TBC1D16: variants seen among roughly 807,000 people sequenced by gnomAD.
TBC1D16 encodes the protein TBC1 domain family member 16.
In TBC1D16, 58 loss-of-function variants were observed where a neutral mutation model predicts 74.7. The observed-to-expected ratio is 0.78, with a 90% CI of 0.63 to 0.97. The LOEUF is 0.97. TBC1D16 is among the 50% of genes least tolerant of loss of function. The pLI is 0.00. For missense variants in TBC1D16, 1,014 were observed against 1,079.5 expected, an observed-to-expected ratio of 0.94 and a Z score of 0.85; for synonymous variants, 493 against 474.7, an observed-to-expected ratio of 1.04 and a Z score of -0.50.
Position 80,001,807 on chromosome 17 carries a change from T to C in TBC1D16, c.779+8353A>G, listed in dbSNP as rs1183945016. 4.9e-5 allele frequency among the ~76,000 whole-genome samples: 7 copies of C among 144,106 alleles called. No homozygotes were observed. Among genetic ancestry groups the C allele is most frequent in the Non-Finnish European group, 7.5e-5 (5 of 66,454 alleles). 94.5% of individuals were successfully genotyped at this position (144,106 alleles called of 152,430 possible). On this transcript the variant is annotated intron_variant, in intron 3 of 11. Coordinates refer to ENST00000310924, the MANE Select transcript of TBC1D16 (RefSeq NM_019020.4). The surrounding 1 kb of genome is among the most constrained non-coding windows in gnomAD (Gnocchi z 5.8). Reference sequence around the variant, plus strand: ...ACTCACCCCTTGCCCCCTTCCCTGCTGTCTCTTGCCCTGGACCCTCTCACA... The same window carrying C: ...ACTCACCCCTTGCCCCCTTCCCTGCCGTCTCTTGCCCTGGACCCTCTCACA...
rs1048936247 is a variant in TBC1D16, at chr17:79,987,395, C to T, written c.779+22765G>A. On this transcript the variant is annotated intron_variant, in intron 3 of 11. Coordinates refer to ENST00000310924, the MANE Select transcript of TBC1D16 (RefSeq NM_019020.4). This position sits in a 1 kb window ranked among gnomAD's most constrained non-coding sequence, Gnocchi z 5.2. ...CCGAGTAGCTGGGACCACAGGTGCACGCCATCACGCCCAGCTAAATTTTTT... is the reference window on the plus strand; with the variant it reads ...CCGAGTAGCTGGGACCACAGGTGCATGCCATCACGCCCAGCTAAATTTTTT... Among the ~76,000 whole-genome samples, 6 of 151,820 alleles carry T rather than the reference C, an allele frequency of 4.0e-5. No individual in the cohort carries two copies. Among genetic ancestry groups the T allele is most frequent in the African/African-American group, 7.3e-5 (3 of 41,312 alleles).
chr17:80,002,111 C>T (rs775770576), intron 3 of TBC1D16, among the ~76,000 whole-genome samples: 1 of 152,136 alleles, frequency 6.6e-6, no homozygotes, highest in African/African-American at 2.4e-5. Context: ...GAGTCCAGGG[C>T]GACACCCCCA....
rs189192744 is a variant in TBC1D16 at position 80,017,554 on chromosome 17, G to A, written c.-62-3945C>T. Among the ~76,000 whole-genome samples, 120 of 151,932 alleles carry A rather than the reference G, an allele frequency of 7.9e-4. 4 individuals carry two copies. The East Asian group carries it at 0.016, about 20-fold the overall frequency. ...AAATTAGCCGGGCGTGATGGTGCAT[G>A]CCTGTGATCCCAGCTACTCGGGAGG... On this transcript the variant is annotated intron_variant, in intron 1 of 11. Coordinates refer to ENST00000310924, the MANE Select transcript of TBC1D16 (RefSeq NM_019020.4).
Position 80,014,948 on chromosome 17 carries a change from CAT to C in TBC1D16, c.-62-1341_-62-1340del, listed in dbSNP as rs1223114074. ...ATATATAATGCGCTGTGACCTGAAA[CAT>C]GTGATGACTCTGCCTGGAGGAACCC... On this transcript the variant is annotated intron_variant, in intron 1 of 11. Transcript: ENST00000310924. Among the ~76,000 whole-genome samples, 8 of 152,176 alleles carry C rather than the reference CAT, an allele frequency of 5.3e-5. No individual in the cohort carries two copies. In the South Asian group the frequency reaches 6.2e-4, roughly 12 times the overall value.
At chr17:79,973,394 T>G (rs1285297) in intron 3 of TBC1D16, among the ~76,000 whole-genome samples, 138,338 of 152,170 alleles carry the variant, frequency 0.91, 62,919 homozygotes, top group East Asian at 0.95. Flanking sequence ...GTAACACAGT[T>G]AGACCCCGTC....
intron 3 of TBC1D16, among the ~76,000 whole-genome samples, chr17:79,967,042 A>G (rs1289176783): frequency 6.6e-6 from 1 of 152,200 alleles, no homozygotes; most frequent in African/African-American, 2.4e-5. Context: ...TAAAAACGGA[A>G]AGGAACTTCC....
At chr17:80,015,601 G>C (rs978477450) in intron 1 of TBC1D16, among the ~76,000 whole-genome samples, 3 of 152,192 alleles carry the variant, frequency 2.0e-5, no homozygotes, top group Non-Finnish European at 4.4e-5. Flanking sequence ...CCACAGAGGG[G>C]CTTCACCTTC....
At chr17:79,958,002 T>TA (rs2033418074) in intron 3 of TBC1D16, among the ~76,000 whole-genome samples, 1 of 150,980 alleles carries the variant, frequency 6.6e-6, no homozygotes, top group Admixed American at 6.6e-5. Flanking sequence ...AAAAGGAAAA[T>TA]AAAAAAATTT....
chr17:79,945,365 C>T (rs759855215), intron 9 of TBC1D16, among the ~76,000 whole-genome samples: 9 of 152,138 alleles, frequency 5.9e-5, no homozygotes, highest in Non-Finnish European at 8.8e-5. Context: ...CGTGGCAGGA[C>T]GCTGGCAGCC....
At chr17:80,012,605 C>A (rs986419018) in intron 2 of TBC1D16, among the ~76,000 whole-genome samples, 15 of 151,854 alleles carry the variant, frequency 9.9e-5, no homozygotes, top group Non-Finnish European at 1.9e-4. Context: ...GAGATGAAAT[C>A]TAACTCTGTT....
At chr17:79,955,149 G>A (rs551824320) in intron 3 of TBC1D16, among the ~76,000 whole-genome samples, 11 of 152,170 alleles carry the variant, frequency 7.2e-5, no homozygotes, top group Middle Eastern at 3.2e-3. Context: ...ATTAATTAAT[G>A]GATTGATTCA....
chr17:79,945,182 C>T, intron 9 of TBC1D16, 95 bp from the exon 10 acceptor site: 1 of 1,367,712 alleles, frequency 7.3e-7, no homozygotes, highest in Non-Finnish European at 9.8e-7. Context: ...CCTGGGCCAC[C>T]CCAGCCTGGA....
At chr17:79,963,793 T>G (rs1272333109) in intron 3 of TBC1D16, among the ~76,000 whole-genome samples, 1 of 152,208 alleles carries the variant, frequency 6.6e-6, no homozygotes. Flanking sequence ...GAGGTCGTAT[T>G]TCATTGGAGT....
At position 80,007,858 on chromosome 17, in the gene TBC1D16, A is replaced by G. The variant is rs1016244620; in HGVS notation, c.779+2302T>C. Among the ~76,000 whole-genome samples, 4 of 152,074 alleles carry G rather than the reference A, an allele frequency of 2.6e-5. No individual in the cohort carries two copies. Among genetic ancestry groups the G allele is most frequent in the African/African-American group, 9.7e-5 (4 of 41,402 alleles). On this transcript the variant is annotated intron_variant, in intron 3 of 11. Transcript: ENST00000310924. The surrounding 1 kb of genome is among the most constrained non-coding windows in gnomAD (Gnocchi z 4.5). ...CATCGCTCAGCAGGGCCAGATGGTG[A>G]TGGGCCTTGGACCCCGAGTGAAGGA...
At position 79,949,115 on chromosome 17, in the gene TBC1D16, C is replaced by G. The variant is rs912114594; in HGVS notation, c.1407-109G>C. On this transcript the variant is annotated intron_variant, in intron 7 of 11. Transcript: ENST00000310924. ...TTCCTCCCAACCCCCGTTCCCTGGA[C>G]GGGAGCTGGGCGGCTGCTGCCGGCT... The G allele has an allele frequency of 1.3e-5, 20 of 1,488,392 alleles. No individual in the cohort carries two copies. In the African/African-American group the frequency reaches 2.3e-4, roughly 17 times the overall value. The allele number at this position is 1,488,392 out of a possible 1,614,324, so 92.2% of individuals were successfully genotyped here.
intron 1 of TBC1D16, among the ~76,000 whole-genome samples, chr17:80,033,415 C>A (rs1339792320): frequency 1.3e-5 from 2 of 151,694 alleles, no homozygotes; most frequent in African/African-American, 4.9e-5. Context: ...ACTCTGTCAC[C>A]CAGGCTAGAA....
chr17:80,024,888 G>A (rs1413101657), intron 1 of TBC1D16, among the ~76,000 whole-genome samples: 2 of 99,122 alleles, frequency 2.0e-5, no homozygotes, highest in Admixed American at 1.1e-4. Context: ...CATACCATAG[G>A]CACACTGCAT....
Position 79,975,464 on chromosome 17 carries a change from C to G in TBC1D16, c.780-22646G>C, listed in dbSNP as rs1349685778. 6.6e-6 allele frequency among the ~76,000 whole-genome samples: 1 copy of G among 152,148 alleles called. No individual in the cohort carries two copies. The highest frequency in any genetic ancestry group is 1.5e-5 in the Non-Finnish European group (1 of 68,020). On this transcript the variant is annotated intron_variant, in intron 3 of 11. Transcript: ENST00000310924. This position sits in a 1 kb window ranked among gnomAD's most constrained non-coding sequence, Gnocchi z 4.5. Reference sequence around the variant, plus strand: ...GAGAGCCAGCCAGGTGTTCTTTAAGCCCCTGTGAAGATTCCTTGATCAGTT... The same window carrying G: ...GAGAGCCAGCCAGGTGTTCTTTAAGGCCCTGTGAAGATTCCTTGATCAGTT...
Position 79,961,048 on chromosome 17 carries a change from A to G in TBC1D16, c.780-8230T>C, listed in dbSNP as rs1440406706. ...AATGTTTATAGCAGTTTTATTCATC[A>G]TTGCAGAAAACAGGAAATGACACAA... On this transcript the variant is annotated intron_variant, in intron 3 of 11. Coordinates refer to ENST00000310924, the MANE Select transcript of TBC1D16 (RefSeq NM_019020.4). The surrounding 1 kb of genome is among the most constrained non-coding windows in gnomAD (Gnocchi z 4.8). Among the ~76,000 whole-genome samples the G allele has an allele frequency of 6.6e-6, 1 of 152,236 alleles. No homozygotes were observed. Among genetic ancestry groups the G allele is most frequent in the African/African-American group, 2.4e-5 (1 of 41,462 alleles).
Sources: allele counts gnomAD v4.1 joint callset (sites outside exome capture counted in the v4.1 genomes callset), GRCh38; gene constraint gnomAD v4.1.1; non-coding constraint Gnocchi (gnomAD v3.1); transcripts MANE v1.5; gene names NCBI Gene and HGNC (gene_info 2026-07-23, HGNC 2026-07-21).